The following ACTR3C variants were observed in gnomAD, a reference collection of about 807,000 sequenced individuals.
The protein encoded by ACTR3C is actin related protein 3C.
A neutral mutation model predicts 26.3 loss-of-function variants in ACTR3C; 18 were observed. The ratio of observed to expected loss-of-function variants is 0.68; its 90% CI spans 0.47 to 1.01. The LOEUF is 1.01. Among genes scored for constraint, ACTR3C ranks in the 50% least tolerant of loss-of-function variants. ACTR3C has a pLI of 0.00. For missense variants in ACTR3C, 184 were observed against 250.7 expected (o/e 0.73, Z 1.80); for synonymous variants, 55 against 94.5 (o/e 0.58, Z 2.42).
the ACTR3C span, among the ~76,000 whole-genome samples, chr7:150,163,153 CAAA>C: frequency 7.6e-6 from 1 of 131,464 alleles, no homozygotes; most frequent in East Asian, 2.1e-4. Context: ...GACTCAGTCT[CAAA>C]AAAAAGAAAA....
At chr7:150,066,664 T>G in the ACTR3C span, among the ~76,000 whole-genome samples, 1 of 152,166 alleles carries the variant, frequency 6.6e-6, no homozygotes, top group South Asian at 2.1e-4. Flanking sequence ...TCGTTCACAG[T>G]AAAATCATCT....
At chr7:149,939,761 C>G in the ACTR3C span, among the ~76,000 whole-genome samples, 1 of 140,830 alleles carries the variant, frequency 7.1e-6, no homozygotes, top group African/African-American at 2.6e-5. Flanking sequence ...ATACAAAAAC[C>G]TGTGTGCCCT....
intron 6 of ACTR3C, among the ~76,000 whole-genome samples, chr7:150,250,768 C>A (rs1321661632): frequency 6.6e-6 from 1 of 151,732 alleles, no homozygotes; most frequent in African/African-American, 2.4e-5. Context: ...AAGAAGACTG[C>A]GGGAGAGCAA....
the ACTR3C span, among the ~76,000 whole-genome samples, chr7:149,951,637 G>T: frequency 0.075 from 11,392 of 151,660 alleles, 1,281 homozygotes; most frequent in African/African-American, 0.25. Context: ...CTCTCTAGCC[G>T]CCTCCTCTGT....
the ACTR3C span, among the ~76,000 whole-genome samples, chr7:150,046,771 A>G: frequency 6.9e-6 from 1 of 145,002 alleles, no homozygotes; most frequent in Non-Finnish European, 1.5e-5. Flanking sequence ...AAACGCATCC[A>G]TCTAAGGTCC....
At chr7:150,181,985 T>A in the ACTR3C span, among the ~76,000 whole-genome samples, 2 of 150,434 alleles carry the variant, frequency 1.3e-5, 1 homozygote, top group African/African-American at 5.0e-5. Flanking sequence ...AACATGCTAA[T>A]TACACTAGAA....
the ACTR3C span, among the ~76,000 whole-genome samples, chr7:150,197,186 T>A: frequency 6.6e-6 from 1 of 152,174 alleles, no homozygotes; most frequent in African/African-American, 2.4e-5. Context: ...AAGTTTTCTC[T>A]GCACTCTTCC....
At chr7:150,313,746 G>A (rs1463494479) in intron 1 of ACTR3C, among the ~76,000 whole-genome samples, 1 of 152,132 alleles carries the variant, frequency 6.6e-6, no homozygotes, top group Non-Finnish European at 1.5e-5. Context: ...CTAGAAAGAG[G>A]GAGAGAGGGG....
chr7:150,180,586 C>T, the ACTR3C span, among the ~76,000 whole-genome samples: 1 of 145,614 alleles, frequency 6.9e-6, no homozygotes, highest in African/African-American at 2.7e-5. Context: ...GGTCTCGGCT[C>T]ACTGCAAGCT....
chr7:150,272,659 C>A (rs1659926258), intron 6 of ACTR3C, among the ~76,000 whole-genome samples: 1 of 136,408 alleles, frequency 7.3e-6, no homozygotes, highest in Non-Finnish European at 1.5e-5. Flanking sequence ...ATACATTTAG[C>A]CTAATAGTGT....
chr7:150,042,708 T>C, the ACTR3C span, among the ~76,000 whole-genome samples: 1 of 151,774 alleles, frequency 6.6e-6, no homozygotes, highest in African/African-American at 2.4e-5. Context: ...TTGCTTCTTG[T>C]ACTAGCAGGG....
chr7:150,126,845 T>G, the ACTR3C span, among the ~76,000 whole-genome samples: 7 of 152,188 alleles, frequency 4.6e-5, no homozygotes, highest in African/African-American at 1.7e-4. Context: ...CAAGGATGGC[T>G]AAGGGTTCAT....
chr7:150,166,289 G>A, the ACTR3C span, among the ~76,000 whole-genome samples: 8 of 151,002 alleles, frequency 5.3e-5, no homozygotes, highest in African/African-American at 1.5e-4. Context: ...TGCATGCAAC[G>A]TGTAATGATC....
chr7:150,037,679 G>T, the ACTR3C span, among the ~76,000 whole-genome samples: 1 of 110,054 alleles, frequency 9.1e-6, no homozygotes, highest in South Asian at 2.9e-4. Flanking sequence ...CCTCCAGGTG[G>T]GTCCTAAGGA....
intron 1 of ACTR3C, among the ~76,000 whole-genome samples, chr7:150,308,866 A>G (rs1796038071): frequency 6.6e-6 from 1 of 152,056 alleles, no homozygotes; most frequent in Non-Finnish European, 1.5e-5. Flanking sequence ...CTTTTTCTCT[A>G]TCAGACCTTT....
At chr7:150,168,522 C>CA in the ACTR3C span, among the ~76,000 whole-genome samples, 1 of 150,744 alleles carries the variant, frequency 6.6e-6, no homozygotes, top group African/African-American at 2.5e-5. Flanking sequence ...TTTTATATTA[C>CA]AATGTAATAA....
chr7:150,251,542 A>G (rs1046803408), intron 6 of ACTR3C, among the ~76,000 whole-genome samples: 1 of 152,176 alleles, frequency 6.6e-6, no homozygotes, highest in Non-Finnish European at 1.5e-5. Flanking sequence ...TCAATACTAT[A>G]TTAGATATTA....
At chr7:149,978,291 C>T in the ACTR3C span, among the ~76,000 whole-genome samples, 1 of 152,014 alleles carries the variant, frequency 6.6e-6, no homozygotes, top group African/African-American at 2.4e-5. Context: ...GGGTTCATGG[C>T]CCCTCCTGCA....
chr7:150,063,381 T>C, the ACTR3C span, among the ~76,000 whole-genome samples: 9 of 151,714 alleles, frequency 5.9e-5, no homozygotes, highest in South Asian at 2.1e-4. Context: ...CAGCTGTGTT[T>C]CAGTGAACAC....
Sources: gnomAD v4.1 joint callset for allele counts (sites outside exome capture counted in the v4.1 genomes callset) on GRCh38, gnomAD v4.1.1 for gene constraint, MANE v1.5 for transcripts, NCBI Gene and HGNC (gene_info 2026-07-23, HGNC 2026-07-21) for gene names.